SLC14A2: variants seen among roughly 807,000 people sequenced by gnomAD.
SLC14A2 encodes the protein solute carrier family 14 member 2.
Under a neutral mutation model 104.6 loss-of-function variants are expected in SLC14A2, and 91 were observed. The observed-to-expected ratio is 0.87, with a 90% CI of 0.73 to 1.04. SLC14A2 has a LOEUF of 1.04. Among genes scored for constraint, SLC14A2 ranks in the 50% least tolerant of loss-of-function variants. The pLI, the probability that SLC14A2 is intolerant of heterozygous loss-of-function variation, is 0.00. For synonymous variants in SLC14A2, 476 were observed against 466.4 expected (o/e 1.02, Z -0.27); for missense variants, 1,189 against 1,156.0 (o/e 1.03, Z -0.41).
chr18:45,573,656 G>A (rs766289829), intron 2 of SLC14A2, among the ~76,000 whole-genome samples: 1 of 152,230 alleles, frequency 6.6e-6, no homozygotes, highest in Non-Finnish European at 1.5e-5. Flanking sequence ...CCCATACTCT[G>A]AAAATTCCCT....
chr18:45,207,740 C>T, the SLC14A2 span, among the ~76,000 whole-genome samples: 5 of 152,120 alleles, frequency 3.3e-5, no homozygotes, highest in Middle Eastern at 3.4e-3. Context: ...AGGGGAATCA[C>T]GTTTCACGAT....
intron 1 of SLC14A2, among the ~76,000 whole-genome samples, chr18:45,620,910 CTTAGA>C (rs1051412495): frequency 6.6e-6 from 1 of 152,180 alleles, no homozygotes; most frequent in Admixed American, 6.5e-5. Flanking sequence ...CTGATAACAT[CTTAGA>C]TTCCATGAAA....
intron 2 of SLC14A2, among the ~76,000 whole-genome samples, chr18:45,581,239 G>T (rs1242839722): frequency 2.6e-5 from 4 of 152,130 alleles, no homozygotes; most frequent in Non-Finnish European, 5.9e-5. Flanking sequence ...AGCGATGAGG[G>T]CATCTCATGG....
chr18:45,497,955 G>A (rs561753896), intron 2 of SLC14A2, among the ~76,000 whole-genome samples: 1 of 152,304 alleles, frequency 6.6e-6, no homozygotes, highest in South Asian at 2.1e-4. Context: ...AGAGCAAGGG[G>A]AAAGCCTTTA....
chr18:45,279,290 A>G (rs1271215676), intron 1 of SLC14A2, among the ~76,000 whole-genome samples: 1 of 152,246 alleles, frequency 6.6e-6, no homozygotes, highest in Non-Finnish European at 1.5e-5. Flanking sequence ...TTTTCTAGCA[A>G]AAACAGGTCA....
intron 2 of SLC14A2, among the ~76,000 whole-genome samples, chr18:45,569,345 T>C (rs2044313518): frequency 6.6e-6 from 1 of 152,208 alleles, no homozygotes; most frequent in Admixed American, 6.5e-5. Context: ...ATAAAACTCA[T>C]CTCTTAACCT....
chr18:45,584,300 C>A (rs2044538177), intron 2 of SLC14A2, among the ~76,000 whole-genome samples: 1 of 152,142 alleles, frequency 6.6e-6, no homozygotes, highest in Non-Finnish European at 1.5e-5. Context: ...TTAGGAGGAT[C>A]CCAGATCTGT....
At position 45,632,420 on chromosome 18, in the gene SLC14A2, G is replaced by A. The variant is rs1462802775; in HGVS notation, c.592G>A (p.Glu198Lys). The A allele has an allele frequency of 5.0e-6, 8 of 1,614,012 alleles. No individual in the cohort carries two copies. Among genetic ancestry groups the A allele is most frequent in the African/African-American group, 1.3e-5 (1 of 74,912 alleles). Residue 198 changes from glutamate (E) to lysine (K), a missense_variant, in exon 5 of 20, where the codon GAG becomes AAG. Physicochemically the swap from Glu to Lys is moderately conservative, Grantham distance 56. Transcript: ENST00000255226. Reference sequence around the variant, plus strand: ...GGGACTGCTGATGGCCGTGTTCTCGGAGAAGTTAGACTACTACTGGTGGCT... The same window carrying A: ...GGGACTGCTGATGGCCGTGTTCTCGAAGAAGTTAGACTACTACTGGTGGCT... ...LVGLLMAVFS[E>K]KLDYYWWLLF...
intron 2 of SLC14A2, among the ~76,000 whole-genome samples, chr18:45,549,778 G>A (rs1022432796): frequency 6.6e-6 from 1 of 152,160 alleles, no homozygotes; most frequent in Non-Finnish European, 1.5e-5. Context: ...CTTGTGTTTT[G>A]AGGTTTTCTT....
At chr18:45,329,247 A>G (rs534972673) in intron 1 of SLC14A2, among the ~76,000 whole-genome samples, 1 of 152,240 alleles carries the variant, frequency 6.6e-6, no homozygotes, top group Non-Finnish European at 1.5e-5. Context: ...GCAGATTATG[A>G]TGGAGGAAAT....
At position 45,671,578 on chromosome 18, in the gene SLC14A2, C is replaced by T. The variant is rs559586657; in HGVS notation, c.2230-1322C>T. ...GCCCATGCTGCTGCTTCTGTATGTG[C>T]AACTCTCTCTCGCCTGTCCCCTTTG... On this transcript the variant is annotated intron_variant, in intron 16 of 19. Transcript: ENST00000255226. Among the ~76,000 whole-genome samples the T allele has an allele frequency of 2.0e-5, 3 of 152,224 alleles. No homozygotes were observed. The South Asian group carries it at 6.3e-4, about 32-fold the overall frequency.
intron 2 of SLC14A2, among the ~76,000 whole-genome samples, chr18:45,534,677 C>T (rs933299704): frequency 2.6e-5 from 4 of 152,072 alleles, no homozygotes; most frequent in Admixed American, 6.6e-5. Context: ...GTTGAGCCTT[C>T]GTGGAGGATA....
chr18:45,455,624 C>T (rs531493961), intron 1 of SLC14A2, among the ~76,000 whole-genome samples: 1 of 135,046 alleles, frequency 7.4e-6, no homozygotes, highest in African/African-American at 2.5e-5. Context: ...GCCATGTACC[C>T]CAGAACTTAA....
At chr18:45,562,842 T>C (rs1469790515) in intron 2 of SLC14A2, among the ~76,000 whole-genome samples, 3 of 152,058 alleles carry the variant, frequency 2.0e-5, no homozygotes, top group Non-Finnish European at 4.4e-5. Context: ...AATTGGTAAA[T>C]ATTATTGTTT....
At chr18:45,355,390 A>G (rs994726461) in intron 1 of SLC14A2, among the ~76,000 whole-genome samples, 4 of 151,916 alleles carry the variant, frequency 2.6e-5, no homozygotes, top group African/African-American at 9.7e-5. Context: ...CCTGACCAAT[A>G]CGGTGAAACC....
At chr18:45,378,959 C>T (rs1036917984) in intron 1 of SLC14A2, among the ~76,000 whole-genome samples, 7 of 152,170 alleles carry the variant, frequency 4.6e-5, no homozygotes, top group Admixed American at 1.3e-4. Context: ...AGATACCTGA[C>T]GAAAGAGCTA....
intron 1 of SLC14A2, among the ~76,000 whole-genome samples, chr18:45,392,426 G>A (rs549510113): frequency 7.6e-4 from 116 of 152,302 alleles, no homozygotes; most frequent in African/African-American, 2.6e-3. Flanking sequence ...CCCTCACAGT[G>A]CAGCATGGTA....
chr18:45,593,183 T>C (rs1009543344), intron 2 of SLC14A2, among the ~76,000 whole-genome samples: 1 of 151,742 alleles, frequency 6.6e-6, no homozygotes, highest in Non-Finnish European at 1.5e-5. Context: ...CCGGGCGTGG[T>C]GGCGGCGCCT....
intron 2 of SLC14A2, among the ~76,000 whole-genome samples, chr18:45,537,763 C>G (rs891551792): frequency 6.6e-6 from 1 of 152,138 alleles, no homozygotes; most frequent in Non-Finnish European, 1.5e-5. Flanking sequence ...TGGTAGCAAG[C>G]ATCCAGATAA....
Sources: gnomAD v4.1 joint callset for allele counts (sites outside exome capture counted in the v4.1 genomes callset) on GRCh38, gnomAD v4.1.1 for gene constraint, MANE v1.5 for transcripts, NCBI Gene and HGNC (gene_info 2026-07-23, HGNC 2026-07-21) for gene names.